The following CNTNAP5 variants were observed in gnomAD, a reference collection of about 807,000 sequenced individuals.
CNTNAP5 encodes the protein contactin associated protein family member 5.
A neutral mutation model predicts 150.2 loss-of-function variants in CNTNAP5; 72 were observed. That is an observed-to-expected ratio of 0.48 (90% CI 0.40 to 0.58). The LOEUF is 0.58. CNTNAP5 is among the 20% of genes least tolerant of loss of function. The pLI is 0.00. For missense variants in CNTNAP5, 1,636 were observed against 1,626.2 expected, an observed-to-expected ratio of 1.01 and a Z score of -0.10; for synonymous variants, 672 against 619.8, an observed-to-expected ratio of 1.08 and a Z score of -1.25.
intron 3 of CNTNAP5, among the ~76,000 whole-genome samples, chr2:124,276,642 C>G (rs146683423): frequency 6.6e-6 from 1 of 152,226 alleles, no homozygotes; most frequent in African/African-American, 2.4e-5. Flanking sequence ...CTGATATTAG[C>G]TAAACATGTG....
At chr2:124,161,001 A>G (rs1439637824) in intron 1 of CNTNAP5, among the ~76,000 whole-genome samples, 2 of 152,204 alleles carry the variant, frequency 1.3e-5, no homozygotes, top group Non-Finnish European at 2.9e-5. Context: ...TAAAAAATGC[A>G]TATACAATGA....
At chr2:124,701,961 T>C (rs1679531015) in intron 13 of CNTNAP5, among the ~76,000 whole-genome samples, 5 of 152,126 alleles carry the variant, frequency 3.3e-5, no homozygotes, top group Admixed American at 3.3e-4. Flanking sequence ...TTCAAATATA[T>C]ATAAAATTTA....
chr2:124,517,045 G>T (rs1694735025), intron 8 of CNTNAP5, among the ~76,000 whole-genome samples: 1 of 152,184 alleles, frequency 6.6e-6, no homozygotes, highest in Non-Finnish European at 1.5e-5. Flanking sequence ...TGGTGATGGG[G>T]ATTTGTAGTG....
intron 1 of CNTNAP5, among the ~76,000 whole-genome samples, chr2:124,092,174 A>G (rs1682831285): frequency 6.6e-6 from 1 of 152,158 alleles, no homozygotes; most frequent in African/African-American, 2.4e-5. Context: ...CCATTATACA[A>G]GGGGATAAAC....
intron 13 of CNTNAP5, among the ~76,000 whole-genome samples, chr2:124,665,082 CA>C (rs1322629103): frequency 2.6e-5 from 4 of 151,530 alleles, no homozygotes; most frequent in Admixed American, 6.6e-5. Flanking sequence ...ACACAATGAA[CA>C]AACCAACAAA....
intron 3 of CNTNAP5, among the ~76,000 whole-genome samples, chr2:124,294,873 C>G (rs745547952): frequency 3.9e-5 from 6 of 152,108 alleles, no homozygotes; most frequent in Admixed American, 2.0e-4. Flanking sequence ...CTGGGAGCGC[C>G]GAGGCGGGCG....
chr2:124,027,603 A>G (rs915695457), intron 1 of CNTNAP5, among the ~76,000 whole-genome samples: 3 of 152,212 alleles, frequency 2.0e-5, no homozygotes, highest in African/African-American at 7.2e-5. Context: ...ATAAAACCTA[A>G]ATGACATGGA....
chr2:124,629,691 A>G (rs1008558269), intron 12 of CNTNAP5, among the ~76,000 whole-genome samples: 8 of 152,134 alleles, frequency 5.3e-5, no homozygotes, highest in African/African-American at 1.9e-4. Context: ...AGCTAGCAGA[A>G]GACAAGGAAT....
intron 21 of CNTNAP5, among the ~76,000 whole-genome samples, chr2:124,870,798 T>C (rs2104726565): frequency 6.6e-6 from 1 of 152,160 alleles, no homozygotes. Flanking sequence ...AATTCACAGG[T>C]AGAAGGAGGA....
rs1040152397 is a variant in CNTNAP5, at chr2:124,625,466, T to A, written c.1876+15546T>A. Among the ~76,000 whole-genome samples, 4 of 152,174 alleles carry A rather than the reference T, an allele frequency of 2.6e-5. No individual in the cohort carries two copies. In the East Asian group the frequency reaches 7.7e-4, roughly 29 times the overall value. Reference sequence around the variant, plus strand: ...TACAGTATACATAGTATAGTATACATAGTATAGTAGTGATCAGAAATAGCA... The same window carrying A: ...TACAGTATACATAGTATAGTATACAAAGTATAGTAGTGATCAGAAATAGCA... On this transcript the variant is annotated intron_variant, in intron 12 of 23. Transcript: ENST00000682447.
intron 17 of CNTNAP5, among the ~76,000 whole-genome samples, chr2:124,788,466 G>C (rs532186272): frequency 5.3e-5 from 8 of 152,184 alleles, no homozygotes; most frequent in Admixed American, 3.9e-4. Flanking sequence ...TTAATTTAAG[G>C]ATTAATCAGC....
intron 19 of CNTNAP5, among the ~76,000 whole-genome samples, chr2:124,827,758 T>A (rs1682628831): frequency 6.6e-6 from 1 of 152,244 alleles, no homozygotes; most frequent in Non-Finnish European, 1.5e-5. Flanking sequence ...AGTAGCTCTA[T>A]GTTAGGCTCA....
chr2:124,352,675 C>T (rs916561843), intron 3 of CNTNAP5, among the ~76,000 whole-genome samples: 2 of 152,192 alleles, frequency 1.3e-5, no homozygotes, highest in Non-Finnish European at 1.5e-5. Flanking sequence ...TTTTTTTTAG[C>T]ATCTGTAGTA....
At chr2:124,399,022 C>A (rs11894758) in intron 3 of CNTNAP5, among the ~76,000 whole-genome samples, 148,818 of 152,308 alleles carry the variant, frequency 0.98, 72,810 homozygotes, top group East Asian at 1. Flanking sequence ...TACCAGACAA[C>A]TTGGCAAGAG....
intron 11 of CNTNAP5, among the ~76,000 whole-genome samples, chr2:124,572,192 G>A (rs1696179739): frequency 6.6e-6 from 1 of 152,134 alleles, no homozygotes; most frequent in African/African-American, 2.4e-5. Flanking sequence ...GTGCAATTGA[G>A]TGCACAGGAC....
chr2:124,729,581 AT>A (rs1370276076), intron 13 of CNTNAP5, among the ~76,000 whole-genome samples: 1 of 152,112 alleles, frequency 6.6e-6, no homozygotes, highest in Non-Finnish European at 1.5e-5. Context: ...GAATCTTAGA[AT>A]CAATGGGGTA....
rs116356535 is a variant in CNTNAP5, at chr2:124,188,889, T to C, written c.83-32816T>C. ...CAGACATTCTGCCATCATGAAAAAT[T>C]GGATTAATCATAACCTAAAGGGTTT... On this transcript the variant is annotated intron_variant, in intron 1 of 23. Coordinates refer to ENST00000682447, the MANE Select transcript of CNTNAP5 (RefSeq NM_001367498.1). 9.1e-3 allele frequency among the ~76,000 whole-genome samples: 1,384 copies of C among 152,210 alleles called. 21 individuals carry two copies. Among genetic ancestry groups the C allele is most frequent in the African/African-American group, 0.031 (1,300 of 41,538 alleles).
At chr2:124,737,919 T>TAA (rs35955894) in intron 13 of CNTNAP5, among the ~76,000 whole-genome samples, 2 of 151,742 alleles carry the variant, frequency 1.3e-5, no homozygotes, top group South Asian at 2.1e-4. Context: ...GCTAGAACAT[T>TAA]AAAAAAAAGC....
intron 21 of CNTNAP5, among the ~76,000 whole-genome samples, chr2:124,897,449 C>T (rs554769067): frequency 6.6e-6 from 1 of 151,470 alleles, no homozygotes; most frequent in East Asian, 1.9e-4. Context: ...GTCTAGGTGG[C>T]CAATAATTAG....
Sources: gnomAD v4.1 joint callset for allele counts (sites outside exome capture counted in the v4.1 genomes callset) on GRCh38, gnomAD v4.1.1 for gene constraint, MANE v1.5 for transcripts, NCBI Gene and HGNC (gene_info 2026-07-23, HGNC 2026-07-21) for gene names.